ZNF397: variants seen among roughly 807,000 people sequenced by gnomAD.
ZNF397 encodes zinc finger and SCAN domain-containing protein 15.
In ZNF397, 38 loss-of-function variants were observed where a neutral mutation model predicts 50.6. The observed-to-expected ratio is 0.75, with a 90% confidence interval of 0.58 to 0.98. ZNF397 has a LOEUF of 0.98. Ranked by LOEUF, ZNF397 falls within the 50% of genes least tolerant of loss-of-function variation. The pLI is 0.00. For missense variants in ZNF397, 624 were observed against 624.1 expected, an observed-to-expected ratio of 1.00 and a Z score of 0.00; for synonymous variants, 228 against 215.2, an observed-to-expected ratio of 1.06 and a Z score of -0.52.
chr18:35,257,523 G>T (rs1377377850), intron 5 of ZNF397: 3 of 218,000 alleles, frequency 1.4e-5, no homozygotes, highest in Non-Finnish European at 2.7e-5. Context: ...CAGTGAAAAG[G>T]TGCCATCCAT....
downstream of ZNF397, chr18:35,254,398 AAAGTGT>A (rs753087964): frequency 6.8e-6 from 11 of 1,613,998 alleles, no homozygotes; most frequent in South Asian, 1.1e-5. Flanking sequence ...ATGTGAATAG[AAAGTGT>A]AAGTATCATT....
At chr18:35,244,699 C>T (rs540590325) in intron 3 of ZNF397, among the ~76,000 whole-genome samples, 1 of 134,870 alleles carries the variant, frequency 7.4e-6, no homozygotes, top group East Asian at 2.3e-4. Context: ...CTAGAAAGTA[C>T]TTAGTGGATT....
downstream of ZNF397, chr18:35,253,682 C>T (rs374420078): frequency 4.3e-6 from 7 of 1,614,056 alleles, no homozygotes; most frequent in Non-Finnish European, 5.9e-6. Context: ...AGCCTTACCA[C>T]ATGCAATACA....
At chr18:35,256,718 G>A in intron 5 of ZNF397, among the ~76,000 whole-genome samples, 1 of 152,146 alleles carries the variant, frequency 6.6e-6, no homozygotes, top group East Asian at 1.9e-4. Context: ...CTTTGGAGGA[G>A]AAATAAGGCA....
At chr18:35,254,112 A>T, downstream of ZNF397, 2 of 1,614,108 alleles carry the variant, frequency 1.2e-6, no homozygotes, top group Non-Finnish European at 1.7e-6. Context: ...CTCTCATGAG[A>T]TTCAAGGACA....
In ZNF397 at chr18:35,246,780, C is replaced by T. The variant is rs943973744; in HGVS notation, c.*470C>T. 160 of 986,444 alleles carry T rather than the reference C, an allele frequency of 1.6e-4. 2 individuals carry two copies. The Admixed American group carries it at 9.4e-3, about 58-fold the overall frequency. The allele number at this position is 986,444 out of a possible 1,614,324, so 61.1% of individuals were successfully genotyped here. A position where few individuals can be genotyped will look rare whatever the true frequency, so the allele number is the denominator to read the frequency against. On this transcript the variant is annotated 3_prime_UTR_variant, in exon 4 of 4. Transcript: ENST00000330501. ...AGGAAAGGTGGGGAAATGGCTTCAT[C>T]AATGATTTGTTGAGCCCAGGGCAGG...
At position 35,249,469 on chromosome 18, in the gene ZNF397, T is replaced by C. The variant is rs1376358388; in HGVS notation, c.*3159T>C. 2 of 151,952 alleles carry C rather than the reference T, an allele frequency of 1.3e-5. No homozygotes were observed. The allele number at this position is 151,952 out of a possible 1,614,324, so 9.4% of individuals were successfully genotyped here. On this transcript the variant is annotated 3_prime_UTR_variant, in exon 4 of 4. Coordinates refer to ENST00000330501, the MANE Select transcript of ZNF397 (RefSeq NM_001135178.3). Reference sequence around the variant, plus strand: ...GAGTTCGAGACCAGCCTGACCAATATGGTGAAACCCCGTCTCTACTAAAAA... The same window carrying C: ...GAGTTCGAGACCAGCCTGACCAATACGGTGAAACCCCGTCTCTACTAAAAA...
At chr18:35,257,188 A>C (rs2043857822) in intron 5 of ZNF397, 1 of 152,196 alleles carries the variant, frequency 6.6e-6, no homozygotes, top group African/African-American at 2.4e-5. Context: ...GTTTAGTTTA[A>C]AATCCTTTTA....
In ZNF397 at chr18:35,246,401, G is replaced by A. The variant is rs2043483205; in HGVS notation, c.*91G>A. On this transcript the variant is annotated 3_prime_UTR_variant, in exon 4 of 4. Transcript: ENST00000330501. Reference sequence around the variant, plus strand: ...TTACTTTGGAGCAAAACTCCATAAAGGTTATAAAATACTAGGTCTTGAGTC... The same window carrying A: ...TTACTTTGGAGCAAAACTCCATAAAAGTTATAAAATACTAGGTCTTGAGTC... 1.4e-6 allele frequency: 2 copies of A among 1,458,760 alleles called. No individual in the cohort carries two copies. Among genetic ancestry groups the A allele is most frequent in the African/African-American group, 1.4e-5 (1 of 69,810 alleles). The allele number at this position is 1,458,760 out of a possible 1,614,324, so 90.4% of individuals were successfully genotyped here.
downstream of ZNF397, chr18:35,254,119 G>T: frequency 1.2e-6 from 2 of 1,614,108 alleles, no homozygotes; most frequent in Non-Finnish European, 1.7e-6. Flanking sequence ...GAGATTCAAG[G>T]ACACTGTGTT....
chr18:35,243,704 C>G (rs1171924282), intron 3 of ZNF397: 3 of 348,036 alleles, frequency 8.6e-6, no homozygotes, highest in Admixed American at 4.5e-5. Flanking sequence ...TCAAGGAACA[C>G]TTCCTGAAGG....
intron 3 of ZNF397, among the ~76,000 whole-genome samples, chr18:35,244,821 C>T (rs924572399): frequency 4.6e-5 from 7 of 152,106 alleles, no homozygotes; most frequent in African/African-American, 1.7e-4. Context: ...AATGAGGATA[C>T]TTTCACTTGA....
At chr18:35,242,991 C>T (rs758564594) in intron 2 of ZNF397, 107 bp downstream of exon 2, 1 of 1,483,050 alleles carries the variant, frequency 6.7e-7, no homozygotes, top group African/African-American at 1.4e-5. Context: ...GAACCCTAAC[C>T]TGAAGTGACT....
rs761939284 is a variant in ZNF397, at chr18:35,246,302, ATAAAG to A, written c.1601_1605del (p.Lys534IlefsTer7). 1.2e-4 allele frequency: 184 copies of A among 1,533,738 alleles called. No individual in the cohort carries two copies. The highest frequency in any genetic ancestry group is 1.5e-4 in the East Asian group (6 of 40,822). On this transcript the variant is annotated frameshift_variant, in exon 4 of 4. Transcript: ENST00000330501. LOFTEE classifies it high-confidence loss of function. Reference sequence around the variant, plus strand: ...TATGCGCCATCAAAGAGTCCACACTATAAAGTAATTTGTGAATACTGTGAATAGTG... The same window carrying A: ...TATGCGCCATCAAAGAGTCCACACTATAATTTGTGAATACTGTGAATAGTG...
chr18:35,243,417 G>T, intron 3 of ZNF397, 124 bp downstream of exon 3: 1 of 1,444,692 alleles, frequency 6.9e-7, no homozygotes, highest in Non-Finnish European at 9.7e-7. Flanking sequence ...CTAAACCAGA[G>T]GTGCTCGCTT....
chr18:35,246,474 T>C lies in ZNF397; in HGVS notation c.*164T>C. 7.1e-7 allele frequency: 1 copy of C among 1,416,170 alleles called. No individual in the cohort carries two copies. Among genetic ancestry groups the C allele is most frequent in the African/African-American group, 1.4e-5 (1 of 69,194 alleles). The allele number at this position is 1,416,170 out of a possible 1,614,324, so 87.7% of individuals were successfully genotyped here. A position where few individuals can be genotyped will look rare whatever the true frequency, so the allele number is the denominator to read the frequency against. ...CCCAGTGCTAATGTAAAGTGTCCCT[T>C]GAAAGCTTTTCCTGTGACTAATCAG... On this transcript the variant is annotated 3_prime_UTR_variant, in exon 4 of 4. Transcript: ENST00000330501.
rs1280082929 is a variant in ZNF397 at position 35,245,760 on chromosome 18, A to G, written c.1055A>G (p.Gln352Arg). Residue 352 changes from glutamine to arginine, a missense_variant, in exon 4 of 4, where the codon CAG (glutamine) becomes CGG (arginine). Coordinates refer to ENST00000330501, the MANE Select transcript of ZNF397 (RefSeq NM_001135178.3). Reference protein sequence around the residue: ...ECSECGKAFNQSSALIRHRKI... With the variant: ...ECSECGKAFNRSSALIRHRKI... Reference sequence around the variant, plus strand: ...AGTGAATGTGGGAAAGCTTTCAATCAGAGCTCAGCCCTCATTAGACATCGG... The same window carrying G: ...AGTGAATGTGGGAAAGCTTTCAATCGGAGCTCAGCCCTCATTAGACATCGG... 4 of 1,552,002 alleles carry G rather than the reference A, an allele frequency of 2.6e-6. No homozygotes were observed. The highest frequency in any genetic ancestry group is 1.4e-5 in the African/African-American group (1 of 73,038).
chr18:35,254,999 G>A (rs2043748403), intron 5 of ZNF397: 1 of 153,850 alleles, frequency 6.5e-6, no homozygotes, highest in South Asian at 2.0e-4. Flanking sequence ...CTCATTCTCA[G>A]GTCAGGTGGG....
Position 35,246,935 on chromosome 18 carries a change from A to T in ZNF397, c.*625A>T. The T allele has an allele frequency of 2.2e-6, 2 of 908,864 alleles. No homozygotes were observed. Among genetic ancestry groups the T allele is most frequent in the Non-Finnish European group, 2.6e-6 (2 of 760,150 alleles). The allele number at this position is 908,864 out of a possible 1,614,324, so 56.3% of individuals were successfully genotyped here. On this transcript the variant is annotated 3_prime_UTR_variant, in exon 4 of 4. Transcript: ENST00000330501. ...CTGTAGTCTCTACAGTCTAATGGGC[A>T]AGGCAGCCAGACAGGCAGTGAAAGT...
Sources: gnomAD v4.1 joint callset for allele counts (sites outside exome capture counted in the v4.1 genomes callset) on GRCh38, gnomAD v4.1.1 for gene constraint, MANE v1.5 for transcripts, NCBI Gene and HGNC (gene_info 2026-07-23, HGNC 2026-07-21) for gene names.